Variants in PRKG1 observed in about 807,000 individuals in gnomAD.
The protein encoded by PRKG1 is protein kinase cGMP-dependent 1.
PRKG1 carries 35 observed loss-of-function variants against 88.1 expected under a neutral mutation model. The ratio of observed to expected loss-of-function variants is 0.40; its 90% CI spans 0.30 to 0.53. The LOEUF (loss-of-function observed/expected upper bound fraction) is 0.53, where lower values mean the gene tolerates loss of function less well. PRKG1 is among the 20% of genes least tolerant of loss of function. PRKG1 has a pLI of 0.59. For missense variants in PRKG1, 540 were observed against 839.8 expected, an observed-to-expected ratio of 0.64 and a Z score of 4.41; for synonymous variants, 303 against 292.5, an observed-to-expected ratio of 1.04 and a Z score of -0.37.
chr10:51,394,083 G>A (rs1837513038), intron 2 of PRKG1, among the ~76,000 whole-genome samples: 1 of 152,210 alleles, frequency 6.6e-6, no homozygotes, highest in Admixed American at 6.5e-5. Context: ...GGGGCTGAGA[G>A]CAGGTCTTCT....
At chr10:52,096,557 A>G (rs950072714) in intron 7 of PRKG1, among the ~76,000 whole-genome samples, 3 of 152,120 alleles carry the variant, frequency 2.0e-5, no homozygotes, top group Non-Finnish European at 2.9e-5. Flanking sequence ...TGCAGTAAAA[A>G]CAGTTGGACA....
chr10:52,172,094 G>A (rs1394544676), intron 9 of PRKG1, among the ~76,000 whole-genome samples: 2 of 152,080 alleles, frequency 1.3e-5, no homozygotes, highest in Admixed American at 6.5e-5. Flanking sequence ...GAGCCACCGC[G>A]CCCGGCCTAT....
At chr10:52,041,316 TG>T (rs1845750983) in intron 5 of PRKG1, among the ~76,000 whole-genome samples, 1 of 152,244 alleles carries the variant, frequency 6.6e-6, no homozygotes. Flanking sequence ...CTGCATCCTT[TG>T]GATGAATCCC....
intron 1 of PRKG1, among the ~76,000 whole-genome samples, chr10:51,003,893 T>C (rs575169084): frequency 6.6e-6 from 1 of 152,336 alleles, no homozygotes; most frequent in South Asian, 2.1e-4. Flanking sequence ...TCAGTCCATA[T>C]TGGTCTTTCT....
intron 8 of PRKG1, among the ~76,000 whole-genome samples, chr10:52,157,314 T>TAC (rs1564494156): frequency 2.3e-5 from 1 of 43,550 alleles, no homozygotes; most frequent in Non-Finnish European, 4.8e-5. Context: ...TTGATATATA[T>TAC]ATATATATAT....
At chr10:51,656,771 C>G (rs986994519) in intron 3 of PRKG1, among the ~76,000 whole-genome samples, 1 of 152,142 alleles carries the variant, frequency 6.6e-6, no homozygotes, top group South Asian at 2.1e-4. Context: ...CCTCAAGATA[C>G]TCAGAGCCTT....
intron 1 of PRKG1, among the ~76,000 whole-genome samples, chr10:51,016,083 C>T (rs1363338749): frequency 2.0e-5 from 3 of 152,284 alleles, no homozygotes; most frequent in South Asian, 4.2e-4. Flanking sequence ...GTTTGCAGGA[C>T]GTCAACCTTC....
chr10:51,702,741 G>A (rs1841500128), intron 3 of PRKG1, among the ~76,000 whole-genome samples: 1 of 151,836 alleles, frequency 6.6e-6, no homozygotes, highest in Non-Finnish European at 1.5e-5. Flanking sequence ...CTGTCAGCCA[G>A]GCTGGAGTGC....
At chr10:51,914,901 G>C (rs1246531502) in intron 5 of PRKG1, among the ~76,000 whole-genome samples, 1 of 151,996 alleles carries the variant, frequency 6.6e-6, no homozygotes, top group Non-Finnish European at 1.5e-5. Flanking sequence ...TTATAAGAAA[G>C]TTTTTTAAAA....
chr10:52,275,384 T>C (rs1481492694), intron 12 of PRKG1, among the ~76,000 whole-genome samples: 2 of 152,176 alleles, frequency 1.3e-5, no homozygotes, highest in Non-Finnish European at 2.9e-5. Context: ...GGATCCAGTT[T>C]CATTTTCCTA....
chr10:51,083,002 C>G (rs1449425975), intron 1 of PRKG1, among the ~76,000 whole-genome samples: 2 of 152,174 alleles, frequency 1.3e-5, no homozygotes, highest in Non-Finnish European at 2.9e-5. Flanking sequence ...TGAGAAACCT[C>G]TGCTATGACC....
chr10:51,728,454 T>G (rs4424621), intron 3 of PRKG1, among the ~76,000 whole-genome samples: 2 of 68,856 alleles, frequency 2.9e-5, no homozygotes, highest in Non-Finnish European at 3.0e-5. Flanking sequence ...TTTTTCTTTG[T>G]TTTTTTTTTT....
At chr10:52,220,856 C>T (rs1303999446) in intron 9 of PRKG1, among the ~76,000 whole-genome samples, 4 of 151,954 alleles carry the variant, frequency 2.6e-5, no homozygotes, top group East Asian at 1.9e-4. Flanking sequence ...TTTGCTATTG[C>T]GAATAGTGCT....
intron 3 of PRKG1, among the ~76,000 whole-genome samples, chr10:51,649,913 G>A (rs1458274174): frequency 6.6e-6 from 1 of 152,182 alleles, no homozygotes; most frequent in Non-Finnish European, 1.5e-5. Context: ...ACATTCCTGT[G>A]CAAACATCTG....
chr10:51,397,949 C>T (rs1837625422), intron 2 of PRKG1, among the ~76,000 whole-genome samples: 1 of 152,188 alleles, frequency 6.6e-6, no homozygotes, highest in Non-Finnish European at 1.5e-5. Flanking sequence ...GCTTCTGTGC[C>T]TTCTATTGGC....
intron 9 of PRKG1, chr10:52,242,069 T>A (rs1057214693): frequency 2.0e-5 from 3 of 152,180 alleles, no homozygotes; most frequent in African/African-American, 7.2e-5. Flanking sequence ...TTTTCCAGGG[T>A]GGCGTGAAGC....
intron 3 of PRKG1, among the ~76,000 whole-genome samples, chr10:51,753,206 T>C (rs7921307): frequency 0.48 from 72,895 of 151,896 alleles, 18,098 homozygotes; most frequent in Middle Eastern, 0.63. Flanking sequence ...TAATCAATTT[T>C]ATGGAAGAAA....
intron 3 of PRKG1, among the ~76,000 whole-genome samples, chr10:51,733,786 G>A (rs1837184089): frequency 6.6e-6 from 1 of 152,106 alleles, no homozygotes; most frequent in South Asian, 2.1e-4. Flanking sequence ...TTTTGATCCT[G>A]CAATTGTCGC....
chr10:52,248,432 G>A (rs530105088), intron 9 of PRKG1, among the ~76,000 whole-genome samples: 1 of 152,270 alleles, frequency 6.6e-6, no homozygotes, highest in Non-Finnish European at 1.5e-5. Context: ...CCTGAAACAA[G>A]TACAAACAGA....
Sources: gnomAD v4.1 joint callset for allele counts (sites outside exome capture counted in the v4.1 genomes callset) on GRCh38, gnomAD v4.1.1 for gene constraint, MANE v1.5 for transcripts, NCBI Gene and HGNC (gene_info 2026-07-23, HGNC 2026-07-21) for gene names.